Variants in CDHR3 observed in about 807,000 individuals in gnomAD.
CDHR3 encodes cadherin related family member 3, also known as cadherin-related family member 3.
A neutral mutation model predicts 86.6 loss-of-function variants in CDHR3; 79 were observed. The observed-to-expected ratio is 0.91, with a 90% CI of 0.76 to 1.10. The LOEUF is 1.10. CDHR3 is among the 50% of genes least tolerant of loss of function. CDHR3 has a pLI of 0.00. For missense variants in CDHR3, 1,081 were observed against 1,077.6 expected (o/e 1.00, Z -0.04); for synonymous variants, 421 against 402.4 (o/e 1.05, Z -0.55).
At chr7:106,031,521 C>T (rs1312902809) in intron 18 of CDHR3, among the ~76,000 whole-genome samples, 3 of 152,240 alleles carry the variant, frequency 2.0e-5, no homozygotes, top group East Asian at 1.9e-4. Context: ...CAAACGGCAC[C>T]GGTCCTCCTC....
chr7:106,003,771 G>C (rs1833536648), intron 7 of CDHR3, among the ~76,000 whole-genome samples: 1 of 152,222 alleles, frequency 6.6e-6, no homozygotes, highest in East Asian at 1.9e-4. Flanking sequence ...ATTCCCAGGA[G>C]AGCCAGGCAA....
intron 4 of CDHR3, among the ~76,000 whole-genome samples, chr7:105,985,045 C>A (rs1830319603): frequency 7.5e-6 from 1 of 133,240 alleles, no homozygotes; most frequent in Non-Finnish European, 1.6e-5. Context: ...GGCAATAGAG[C>A]AAGACCCTGT....
chr7:105,982,993 A>T (rs1011751443), intron 3 of CDHR3, among the ~76,000 whole-genome samples: 4 of 152,010 alleles, frequency 2.6e-5, no homozygotes, highest in Non-Finnish European at 5.9e-5. Context: ...AAAAAAAAAA[A>T]AAAAAAAAAA....
At chr7:105,970,727 AC>A (rs1827809167) in intron 1 of CDHR3, among the ~76,000 whole-genome samples, 1 of 152,026 alleles carries the variant, frequency 6.6e-6, no homozygotes, top group Non-Finnish European at 1.5e-5. Flanking sequence ...CTTATTCATT[AC>A]TCTATTTTTA....
intron 1 of CDHR3, among the ~76,000 whole-genome samples, chr7:105,965,282 C>T (rs553072472): frequency 6.6e-6 from 1 of 152,152 alleles, no homozygotes; most frequent in East Asian, 1.9e-4. Flanking sequence ...TGGAAGCAGG[C>T]ATCACTATAA....
chr7:106,027,602 T>C, intron 16 of CDHR3: 1 of 443,778 alleles, frequency 2.3e-6, no homozygotes, highest in Non-Finnish European at 4.5e-6. Context: ...TGGCTTGGCC[T>C]CAAGTAGACT....
At chr7:106,028,379 C>T in intron 16 of CDHR3, 172 bp from the exon 17 acceptor site, 6 of 722,100 alleles carry the variant, frequency 8.3e-6, no homozygotes, top group Admixed American at 4.4e-5. Flanking sequence ...GTATTTTTTT[C>T]TGAGAAGATG....
chr7:106,012,986 C>G lies in CDHR3; in HGVS notation c.1179C>G (p.Ser393Arg), dbSNP rs375048224. ...FNFTMPSGVG[S>R]GSRFLQDPAG... ...TCACCATGCCATCTGGAGTGGGGAG[C>G]GGCAGCAGATTTTTACAGGATCCAG... is the stretch of plus-strand genomic sequence containing the variant. The change falls in exon 9 of 19, where the codon AGC becomes AGG. Residue 393 changes from serine (S) to arginine (R), a missense_variant. Physicochemically the swap from Ser to Arg is moderately radical, Grantham distance 110 (BLOSUM62 -1). Transcript: ENST00000317716. 1 of 1,611,820 alleles carries G rather than the reference C, an allele frequency of 6.2e-7. No homozygotes were observed. Among genetic ancestry groups the G allele is most frequent in the Middle Eastern group, 1.7e-4 (1 of 6,050 alleles).
chr7:106,028,953 TTTCTTTCTTTC>T (rs1837876261), intron 17 of CDHR3, among the ~76,000 whole-genome samples: 1 of 147,138 alleles, frequency 6.8e-6, no homozygotes, highest in Non-Finnish European at 1.5e-5. Flanking sequence ...TCTTTCTTTC[TTTCTTTCTTTC>T]TTTCTTTCTT....
chr7:106,027,434 G>C (rs1022086934), intron 16 of CDHR3, among the ~76,000 whole-genome samples: 1 of 151,844 alleles, frequency 6.6e-6, no homozygotes, highest in Non-Finnish European at 1.5e-5. Flanking sequence ...TTGATTCCCA[G>C]ATTCTAATGG....
intron 13 of CDHR3, among the ~76,000 whole-genome samples, chr7:106,021,721 C>A (rs1409075063): frequency 6.6e-6 from 1 of 152,218 alleles, no homozygotes; most frequent in Admixed American, 6.5e-5. Context: ...CAGCCATAAC[C>A]AGTGTGACCC....
intron 9 of CDHR3, among the ~76,000 whole-genome samples, chr7:106,014,133 T>C (rs558151132): frequency 6.6e-6 from 1 of 152,198 alleles, no homozygotes; most frequent in Admixed American, 6.5e-5. Context: ...GCTTATTTTT[T>C]AGCTTTTTCT....
At chr7:106,021,745 A>C (rs1252210935) in intron 13 of CDHR3, among the ~76,000 whole-genome samples, 1 of 152,242 alleles carries the variant, frequency 6.6e-6, no homozygotes, top group African/African-American at 2.4e-5. Context: ...GGGTCCTGTG[A>C]AAAGCATGCA....
At chr7:106,018,472 G>A (rs1438191258) in intron 12 of CDHR3, among the ~76,000 whole-genome samples, 1 of 152,152 alleles carries the variant, frequency 6.6e-6, no homozygotes, top group Non-Finnish European at 1.5e-5. Context: ...CTGACCTCAA[G>A]TAATCCACTC....
chr7:106,026,463 C>T (rs1026014453), intron 15 of CDHR3, among the ~76,000 whole-genome samples: 1 of 152,148 alleles, frequency 6.6e-6, no homozygotes, highest in East Asian at 1.9e-4. Flanking sequence ...CATCAAATTC[C>T]CAGAACCTCC....
At chr7:106,028,116 T>TTAAAATAAAA (rs59804877) in intron 16 of CDHR3, among the ~76,000 whole-genome samples, 1,848 of 120,250 alleles carry the variant, frequency 0.015, 28 homozygotes, top group African/African-American at 0.028. Context: ...AGACCCTGTC[T>TTAAAATAAAA]TAAAATAAAA....
Position 105,988,688 on chromosome 7 carries a change from A to C in CDHR3, c.513+4399A>C, listed in dbSNP as rs764834376. 2.0e-5 allele frequency among the ~76,000 whole-genome samples: 3 copies of C among 152,204 alleles called. No individual in the cohort carries two copies. The East Asian group carries it at 5.8e-4, about 29-fold the overall frequency. On this transcript the variant is annotated intron_variant, in intron 4 of 18. Coordinates refer to ENST00000317716, the MANE Select transcript of CDHR3 (RefSeq NM_152750.5). ...AAACTTAAAAAGCATGTGCTGGTAC[A>C]TTGTTTGGACCAACACTGATCAATA...
intron 2 of CDHR3, among the ~76,000 whole-genome samples, chr7:105,979,264 C>A (rs900634106): frequency 2.6e-5 from 4 of 152,180 alleles, no homozygotes; most frequent in Non-Finnish European, 5.9e-5. Context: ...GTGTGTTTGA[C>A]CCCTGTGCTG....
At chr7:105,992,569 C>T (rs527280203) in intron 4 of CDHR3, among the ~76,000 whole-genome samples, 2 of 152,094 alleles carry the variant, frequency 1.3e-5, no homozygotes, top group Admixed American at 6.5e-5. Context: ...AAATATTTCC[C>T]CTTAAAAATG....
Sources: allele counts gnomAD v4.1 joint callset (sites outside exome capture counted in the v4.1 genomes callset), GRCh38; gene constraint gnomAD v4.1.1; transcripts MANE v1.5; gene names NCBI Gene and HGNC (gene_info 2026-07-23, HGNC 2026-07-21).